SLC5A1: variants seen among roughly 807,000 people sequenced by gnomAD.
The protein encoded by SLC5A1 is sodium/glucose cotransporter 1.
Under a neutral mutation model 73.5 loss-of-function variants are expected in SLC5A1, and 42 were observed. The observed-to-expected ratio is 0.57, with a 90% CI of 0.45 to 0.74. SLC5A1 has a LOEUF of 0.74. SLC5A1 is among the 30% of genes least tolerant of loss of function. The pLI is 0.00. For synonymous variants in SLC5A1, 300 were observed against 317.4 expected (o/e 0.95, Z 0.58); for missense variants, 634 against 855.4 (o/e 0.74, Z 3.23).
chr22:32,095,970 TC>T (rs1458368087), intron 11 of SLC5A1, among the ~76,000 whole-genome samples: 4 of 152,170 alleles, frequency 2.6e-5, no homozygotes, highest in Non-Finnish European at 4.4e-5. Context: ...GGGCGGATGA[TC>T]CCCCTTTCCC....
chr22:32,091,286 C>T (rs1039633309), intron 10 of SLC5A1, among the ~76,000 whole-genome samples: 1 of 134,834 alleles, frequency 7.4e-6, no homozygotes, highest in African/African-American at 3.0e-5. Flanking sequence ...CAGATGGAAA[C>T]ACACATACAC....
At chr22:32,073,322 C>T (rs1477530295) in intron 5 of SLC5A1, among the ~76,000 whole-genome samples, 1 of 152,176 alleles carries the variant, frequency 6.6e-6, no homozygotes, top group Non-Finnish European at 1.5e-5. Flanking sequence ...ACTGAATGGT[C>T]TTGCACGTAA....
intron 3 of SLC5A1, 55 bp downstream of exon 3, chr22:32,067,094 A>G (rs2093974701): frequency 3.7e-6 from 5 of 1,364,216 alleles, no homozygotes; most frequent in Non-Finnish European, 4.2e-6. Flanking sequence ...TTAGCAGTCA[A>G]CCAGTTCAAT....
intron 1 of SLC5A1, among the ~76,000 whole-genome samples, chr22:32,046,009 C>T (rs921101780): frequency 6.6e-5 from 10 of 152,172 alleles, no homozygotes; most frequent in Admixed American, 6.5e-4. Context: ...TCCACAAAGC[C>T]TCAGTATTTA....
chr22:32,093,314 A>G (rs538741025), intron 11 of SLC5A1, among the ~76,000 whole-genome samples: 5 of 148,460 alleles, frequency 3.4e-5, no homozygotes, highest in Admixed American at 6.6e-5. Flanking sequence ...TATGAATGTG[A>G]GTATTGTTTT....
rs1423162176 is a variant in SLC5A1, at chr22:32,084,457, G to A, written c.683G>A (p.Gly228Asp). 1.9e-6 allele frequency: 3 copies of A among 1,614,056 alleles called. No individual in the cohort carries two copies. Among genetic ancestry groups the A allele is most frequent in the Non-Finnish European group, 2.5e-6 (3 of 1,179,996 alleles). Residue 228 changes from glycine to aspartate, a missense_variant, in exon 8 of 15, where the codon GGC becomes GAC. This residue lies in a region of SLC5A1 where 422 missense variants were observed against 626.1 expected (regional missense o/e 0.67). Coordinates refer to ENST00000266088, the MANE Select transcript of SLC5A1 (RefSeq NM_000343.4). The part of the protein sequence containing the change: ...LTGFAFHEVG[G>D]YDAFMEKYMK... ...TTTCCAGCTTTTCACGAAGTGGGAG[G>A]CTATGACGCCTTCATGGAAAAGTAC...
At chr22:32,076,887 G>A (rs534985688) in intron 5 of SLC5A1, among the ~76,000 whole-genome samples, 5 of 152,274 alleles carry the variant, frequency 3.3e-5, no homozygotes, top group Middle Eastern at 3.4e-3. Flanking sequence ...CATGGACATC[G>A]TTCAGCCAAA....
chr22:32,106,485 A>G (rs149602430), intron 14 of SLC5A1, among the ~76,000 whole-genome samples: 2,035 of 151,924 alleles, frequency 0.013, 28 homozygotes, highest in Middle Eastern at 0.024. Context: ...GATTTGAGGA[A>G]TGGCCAGGGA....
chr22:32,064,385 ACTT>A (rs1042516194), intron 2 of SLC5A1, among the ~76,000 whole-genome samples: 1 of 151,968 alleles, frequency 6.6e-6, no homozygotes, highest in African/African-American at 2.4e-5. Context: ...AGTCCCAGCT[ACTT>A]GGGAGGCTGA....
chr22:32,048,567 C>A (rs569434544), intron 1 of SLC5A1, among the ~76,000 whole-genome samples: 1 of 152,350 alleles, frequency 6.6e-6, no homozygotes, highest in East Asian at 1.9e-4. Flanking sequence ...CATCAGATAA[C>A]ACTGTTCGCC....
intron 2 of SLC5A1, among the ~76,000 whole-genome samples, chr22:32,060,044 CACACACACAT>C (rs951374722): frequency 2.8e-5 from 4 of 142,708 alleles, no homozygotes; most frequent in African/African-American, 1.0e-4. Flanking sequence ...CACACACACA[CACACACACAT>C]ATATACACAC....
chr22:32,045,776 G>A (rs1023462662), intron 1 of SLC5A1, among the ~76,000 whole-genome samples: 11 of 152,102 alleles, frequency 7.2e-5, no homozygotes, highest in Non-Finnish European at 4.4e-5. Flanking sequence ...TATATCCTTT[G>A]AAGCTGGATC....
chr22:32,049,091 A>ATATATAT (rs1569298594), intron 1 of SLC5A1, among the ~76,000 whole-genome samples: 4 of 129,040 alleles, frequency 3.1e-5, no homozygotes, highest in African/African-American at 1.4e-4. Context: ...TAAATAAATA[A>ATATATAT]ATATATATAT....
At chr22:32,086,855 T>C (rs1208879558) in intron 10 of SLC5A1, among the ~76,000 whole-genome samples, 1 of 152,134 alleles carries the variant, frequency 6.6e-6, no homozygotes, top group Non-Finnish European at 1.5e-5. Flanking sequence ...TAAATGCCTA[T>C]CAATGAATGA....
rs6147589 is a variant in SLC5A1 at position 32,078,954 on chromosome 22, CAAAAAAA to C, written c.478-2888_478-2882del. On this transcript the variant is annotated intron_variant, in intron 5 of 14. Coordinates refer to ENST00000266088, the MANE Select transcript of SLC5A1 (RefSeq NM_000343.4). Reference sequence around the variant, plus strand: ...TGGCGAAAGAGCAAGACTCTGTCTCCAAAAAAAAAAAAAAAAAAAAAAAAAAAAAAGA... The same window carrying C: ...TGGCGAAAGAGCAAGACTCTGTCTCCAAAAAAAAAAAAAAAAAAAAAAAGA... 3.7e-5 allele frequency among the ~76,000 whole-genome samples: 4 copies of C among 109,102 alleles called. No homozygotes were observed. In the South Asian group the frequency reaches 1.1e-3, roughly 31 times the overall value. The allele number at this position is 109,102 out of a possible 152,430, so 71.6% of individuals were successfully genotyped here. A position where few individuals can be genotyped will look rare whatever the true frequency, so the allele number is the denominator to read the frequency against.
At chr22:32,073,233 A>G (rs2093985482) in intron 5 of SLC5A1, among the ~76,000 whole-genome samples, 1 of 152,226 alleles carries the variant, frequency 6.6e-6, no homozygotes, top group Non-Finnish European at 1.5e-5. Flanking sequence ...GCCATGTGCC[A>G]CCATGCCCAA....
intron 10 of SLC5A1, among the ~76,000 whole-genome samples, chr22:32,087,409 G>T (rs895736005): frequency 6.6e-6 from 1 of 152,122 alleles, no homozygotes; most frequent in Non-Finnish European, 1.5e-5. Context: ...CTCTCCAACA[G>T]ATGTTAAAAT....
intron 2 of SLC5A1, among the ~76,000 whole-genome samples, chr22:32,055,657 C>A (rs1388181571): frequency 6.6e-6 from 1 of 152,180 alleles, no homozygotes; most frequent in Non-Finnish European, 1.5e-5. Flanking sequence ...TCCCTGTGCC[C>A]CTGGGACTTC....
intron 10 of SLC5A1, among the ~76,000 whole-genome samples, chr22:32,090,108 A>C (rs890543226): frequency 6.6e-6 from 1 of 152,068 alleles, no homozygotes; most frequent in African/African-American, 2.4e-5. Flanking sequence ...TTCAAAAAAA[A>C]AAAAAAAAAC....
Sources: allele counts gnomAD v4.1 joint callset (sites outside exome capture counted in the v4.1 genomes callset), GRCh38; gene constraint gnomAD v4.1.1; regional missense constraint gnomAD v4.1.1; transcripts MANE v1.5; gene names NCBI Gene and HGNC (gene_info 2026-07-23, HGNC 2026-07-21).